MROH9: variants seen among roughly 807,000 people sequenced by gnomAD.
MROH9 encodes maestro heat like repeat family member 9.
In MROH9, 92 loss-of-function variants were observed where a neutral mutation model predicts 98.2. That is an observed-to-expected ratio of 0.94 (90% CI 0.79 to 1.11). The LOEUF (loss-of-function observed/expected upper bound fraction) is 1.11. MROH9 is among the 50% of genes most tolerant of loss of function. The pLI is 0.00. For missense variants in MROH9, 1,057 were observed against 1,014.8 expected (o/e 1.04, Z -0.57); for synonymous variants, 397 against 368.9 (o/e 1.08, Z -0.87).
intron 15 of MROH9, among the ~76,000 whole-genome samples, chr1:171,006,646 ACT>A (rs1301569989): frequency 1.4e-5 from 2 of 141,928 alleles, no homozygotes; most frequent in Non-Finnish European, 3.1e-5. Flanking sequence ...CCCTGTCTTT[ACT>A]CTCTTTCATT....
At chr1:170,995,359 A>G (rs1360183889) in intron 12 of MROH9, 30 bp from the exon 13 acceptor site, 2 of 1,611,696 alleles carry the variant, frequency 1.2e-6, no homozygotes, top group Non-Finnish European at 1.7e-6. Context: ...AAATGTTTAC[A>G]TTTCTACCTC....
intron 6 of MROH9, among the ~76,000 whole-genome samples, chr1:170,963,393 A>G (rs1174347857): frequency 6.6e-6 from 1 of 152,176 alleles, no homozygotes; most frequent in Non-Finnish European, 1.5e-5. Context: ...AGTGTAAATT[A>G]GTACAACCAT....
At chr1:171,054,591 C>A (rs1653770882) in intron 20 of MROH9, among the ~76,000 whole-genome samples, 1 of 152,132 alleles carries the variant, frequency 6.6e-6, no homozygotes, top group Non-Finnish European at 1.5e-5. Flanking sequence ...AAAGCAACAA[C>A]CACAGAGTGG....
intron 20 of MROH9, among the ~76,000 whole-genome samples, chr1:171,028,523 T>C (rs189318975): frequency 1.1e-3 from 172 of 152,344 alleles, no homozygotes; most frequent in Admixed American, 2.5e-3. Context: ...CTTCTTTCAT[T>C]ACATGTGAAA....
At chr1:171,036,363 TA>T (rs760438365) in intron 20 of MROH9, among the ~76,000 whole-genome samples, 23 of 152,112 alleles carry the variant, frequency 1.5e-4, no homozygotes, top group Admixed American at 3.3e-4. Context: ...CCTAGATGTT[TA>T]AAATTAAAGT....
chr1:170,998,645 T>C, intron 15 of MROH9: 6 of 1,159,586 alleles, frequency 5.2e-6, no homozygotes, highest in Non-Finnish European at 6.4e-6. Flanking sequence ...CTTCTGACCA[T>C]CTAGAGGGAG....
In MROH9 at chr1:170,959,546, T is replaced by G. The variant is rs368711198; in HGVS notation, c.237T>G (p.Leu79=). Residue 79 remains leucine (L), a synonymous_variant, in exon 5 of 22, where the codon CTT becomes CTG. Transcript: ENST00000367759. ...SFGMLVVMPS[L]DKVKEMGSSY... is the part of the protein sequence containing the mutation. Reference sequence around the variant, plus strand: ...GAATGCTAGTTGTCATGCCAAGTCTTGACAAAGTAAAAGAAATGGGGAGCA... The same window carrying G: ...GAATGCTAGTTGTCATGCCAAGTCTGGACAAAGTAAAAGAAATGGGGAGCA... 4.9e-5 allele frequency: 79 copies of G among 1,613,698 alleles called. No homozygotes were observed. Among genetic ancestry groups the G allele is most frequent in the African/African-American group, 1.7e-4 (13 of 74,906 alleles).
intron 20 of MROH9, among the ~76,000 whole-genome samples, chr1:171,042,262 A>G (rs142704843): frequency 6.6e-6 from 1 of 152,160 alleles, no homozygotes; most frequent in African/African-American, 2.4e-5. Context: ...TTCCTAGCTT[A>G]TTTCACTTAA....
chr1:171,035,819 C>T (rs148760043), intron 20 of MROH9, among the ~76,000 whole-genome samples: 10 of 152,152 alleles, frequency 6.6e-5, no homozygotes, highest in African/African-American at 1.2e-4. Context: ...ATGCTGTTGG[C>T]GGAGAAAATT....
intron 15 of MROH9, among the ~76,000 whole-genome samples, chr1:171,008,991 A>G (rs944709069): frequency 2.0e-5 from 3 of 150,040 alleles, no homozygotes; most frequent in Non-Finnish European, 4.4e-5. Flanking sequence ...TATGTATTAT[A>G]TATAATTCTA....
Position 170,937,918 on chromosome 1 carries a change from T to C in MROH9, c.-38+2331T>C, listed in dbSNP as rs555268170. ...CAGCTGCTTGTGGTTCTTTACCTGC[T>C]AAAGTGATCCATAAAGGTCTGGGTC... On this transcript the variant is annotated intron_variant, in intron 1 of 21. Coordinates refer to ENST00000367759, the MANE Select transcript of MROH9 (RefSeq NM_001163629.2). Among the ~76,000 whole-genome samples the C allele has an allele frequency of 3.9e-5, 6 of 152,316 alleles. No homozygotes were observed. The East Asian group carries it at 7.7e-4, about 20-fold the overall frequency.
At chr1:171,030,714 T>C (rs1652877515) in intron 20 of MROH9, among the ~76,000 whole-genome samples, 1 of 152,200 alleles carries the variant, frequency 6.6e-6, no homozygotes, top group African/African-American at 2.4e-5. Flanking sequence ...AATTATGTGG[T>C]CTAGTTTAGA....
In MROH9 at chr1:171,014,226, T is replaced by C. The variant is rs533917290; in HGVS notation, c.1706T>C (p.Ile569Thr). 3.7e-5 allele frequency: 57 copies of C among 1,551,324 alleles called. No homozygotes were observed. Among genetic ancestry groups the C allele is most frequent in the Admixed American group, 9.8e-5 (5 of 50,998 alleles). ...GTTAGCAGACTGATCCTTCATAGAATTGTCCACATGTCACCAATTATCAAT... is the reference window on the plus strand; with the variant it reads ...GTTAGCAGACTGATCCTTCATAGAACTGTCCACATGTCACCAATTATCAAT... ...PVVSRLILHR[I>T]VHMSPIINKT... is the part of the protein sequence containing the mutation. Residue 569 changes from isoleucine to threonine, a missense_variant, in exon 16 of 22, where the codon ATT becomes ACT. Ile to Thr is a moderately conservative substitution (Grantham distance 89). Coordinates refer to ENST00000367759, the MANE Select transcript of MROH9 (RefSeq NM_001163629.2).
chr1:170,982,660 C>A (rs1404695272), intron 8 of MROH9, among the ~76,000 whole-genome samples: 2 of 152,062 alleles, frequency 1.3e-5, no homozygotes, highest in African/African-American at 4.8e-5. Flanking sequence ...GAGGCCTGGG[C>A]GGGCAGATTA....
intron 15 of MROH9, among the ~76,000 whole-genome samples, chr1:170,999,281 G>A (rs1478086407): frequency 6.6e-6 from 1 of 151,916 alleles, no homozygotes; most frequent in Non-Finnish European, 1.5e-5. Context: ...AGCATACACT[G>A]CACAATATTT....
chr1:171,062,279 T>A, intron 21 of MROH9, 85 bp downstream of exon 21: 1 of 954,220 alleles, frequency 1.0e-6, no homozygotes. Flanking sequence ...ATGAGTTCTG[T>A]TAGAGTGCCA....
chr1:170,958,547 TA>T lies in MROH9; in HGVS notation c.152+9del. Reference sequence around the variant, plus strand: ...TCCTGGCTGTGAACTCCAGGTATGATAAGCTATCATGCTCTTTTATTTCACT... The same window carrying T: ...TCCTGGCTGTGAACTCCAGGTATGATAGCTATCATGCTCTTTTATTTCACT... On this transcript the variant is annotated splice_region_variant and intron_variant, in intron 4 of 21. Coordinates refer to ENST00000367759, the MANE Select transcript of MROH9 (RefSeq NM_001163629.2). The T allele has an allele frequency of 1.3e-6, 2 of 1,563,890 alleles. No individual in the cohort carries two copies. Among genetic ancestry groups the T allele is most frequent in the Non-Finnish European group, 1.8e-6 (2 of 1,142,394 alleles).
chr1:170,953,831 A>C (rs992186899), intron 3 of MROH9, among the ~76,000 whole-genome samples: 2 of 150,038 alleles, frequency 1.3e-5, no homozygotes, highest in African/African-American at 4.9e-5. Context: ...AAGAAAGAAA[A>C]AGAAAGGAAG....
chr1:171,041,069 G>C (rs1366078511), intron 20 of MROH9, among the ~76,000 whole-genome samples: 1 of 151,770 alleles, frequency 6.6e-6, no homozygotes, highest in African/African-American at 2.4e-5. Flanking sequence ...GGCATTCAGT[G>C]TACCTATTAC....
Sources: gnomAD v4.1 joint callset for allele counts (sites outside exome capture counted in the v4.1 genomes callset) on GRCh38, gnomAD v4.1.1 for gene constraint, MANE v1.5 for transcripts, NCBI Gene and HGNC (gene_info 2026-07-23, HGNC 2026-07-21) for gene names.